Variants in DNAH7 observed in about 807,000 individuals in gnomAD.
The protein encoded by DNAH7 is axonemal beta dynein heavy chain 7.
In DNAH7, 397 loss-of-function variants were observed where a neutral mutation model predicts 444.6. That is an observed-to-expected ratio of 0.89 (90% CI 0.82 to 0.97). DNAH7 has a LOEUF of 0.97. Among genes scored for constraint, DNAH7 ranks in the 50% least tolerant of loss-of-function variants. The pLI is 0.00. For missense variants in DNAH7, 4,902 were observed against 4,800.8 expected (o/e 1.02, Z -0.62); for synonymous variants, 1,636 against 1,624.4 (o/e 1.01, Z -0.17).
At chr2:195,883,048 A>G (rs537344303) in intron 35 of DNAH7, among the ~76,000 whole-genome samples, 1 of 152,344 alleles carries the variant, frequency 6.6e-6, no homozygotes, top group African/African-American at 2.4e-5. Context: ...TGTATTATAA[A>G]GAAATATTTC....
rs777023709 is a variant in DNAH7, at chr2:195,775,913, G to A, written c.11135C>T (p.Ala3712Val). ...CTGATCCTTAGTGATATCTGCATTG[G>A]CATTCATCCCAAAGATTTCTGGTGC... ...TPAPEIFGMN[A>V]NADITKDQSE... Residue 3712 changes from alanine (A) to valine (V), a missense_variant, in exon 60 of 65, where the codon GCC becomes GTC. By Grantham distance (64) the Ala-to-Val change is moderately conservative. Transcript: ENST00000312428. 3 of 1,614,012 alleles carry A rather than the reference G, an allele frequency of 1.9e-6. No individual in the cohort carries two copies. Among genetic ancestry groups the A allele is most frequent in the South Asian group, 2.2e-5 (2 of 91,088 alleles).
rs1221487679 is a variant in DNAH7, at chr2:196,047,369, A to AGTACTTC, written c.374_380dup (p.Leu128LysfsTer5). ...CAACTTACATAATGACATTAACAAG[A>AGTACTTC]GTACTTCTAAAGTTTTCTCGTTCTT... On this transcript the variant is annotated frameshift_variant, in exon 5 of 65. Coordinates refer to ENST00000312428, the MANE Select transcript of DNAH7 (RefSeq NM_018897.3). LOFTEE classifies it high-confidence loss of function. 1.3e-6 allele frequency: 2 copies of AGTACTTC among 1,596,566 alleles called. No homozygotes were observed. The highest frequency in any genetic ancestry group is 2.3e-5 in the South Asian group (2 of 87,350).
At chr2:195,785,998 G>T (rs764723856) in intron 58 of DNAH7, among the ~76,000 whole-genome samples, 23 of 152,026 alleles carry the variant, frequency 1.5e-4, no homozygotes, top group Non-Finnish European at 2.8e-4. Context: ...TGAATATTTT[G>T]TCAAATTTAG....
chr2:195,875,800 T>A lies in DNAH7; in HGVS notation c.6161A>T (p.Tyr2054Phe), dbSNP rs62623377. The A allele has an allele frequency of 6.2e-7, 1 of 1,613,190 alleles. No individual in the cohort carries two copies. Among genetic ancestry groups the A allele is most frequent in the Admixed American group, 1.7e-5 (1 of 59,790 alleles). ...DDVNMPAREVYGAQPPIELLR... is the reference protein window; with the variant it reads ...DDVNMPAREVFGAQPPIELLR... ...TAACTCAATGGGAGGTTGAGCCCCA[T>A]ATACCTCCCGAGCAGGCATATTGAC... The change falls in exon 38 of 65, where the codon TAT becomes TTT. Residue 2054 changes from tyrosine to phenylalanine, a missense_variant. Tyr to Phe is a conservative substitution (Grantham distance 22). Coordinates refer to ENST00000312428, the MANE Select transcript of DNAH7 (RefSeq NM_018897.3).
chr2:195,840,328 A>T (rs1223560714), intron 47 of DNAH7, among the ~76,000 whole-genome samples: 2 of 151,754 alleles, frequency 1.3e-5, no homozygotes, highest in Non-Finnish European at 3.0e-5. Context: ...AAAAACCATC[A>T]GCAAACTAGG....
intron 46 of DNAH7, among the ~76,000 whole-genome samples, chr2:195,848,356 G>A (rs568735955): frequency 6.6e-6 from 1 of 152,304 alleles, no homozygotes; most frequent in South Asian, 2.1e-4. Flanking sequence ...ATGCATCTTT[G>A]GCAGAAATGT....
chr2:195,976,755 G>A (rs13401713), intron 15 of DNAH7, among the ~76,000 whole-genome samples: 13 of 122,438 alleles, frequency 1.1e-4, no homozygotes, highest in African/African-American at 5.1e-4. Flanking sequence ...GACAGAGAGA[G>A]AGAGAGAGAG....
In DNAH7 at chr2:195,787,110, C is replaced by T. The variant is rs749019068; in HGVS notation, c.10778G>A (p.Arg3593Gln). The T allele has an allele frequency of 9.9e-6, 16 of 1,611,884 alleles. No individual in the cohort carries two copies. The highest frequency in any genetic ancestry group is 4.5e-5 in the East Asian group (2 of 44,818). The change falls in exon 58 of 65, where the codon CGG becomes CAG. Residue 3593 changes from arginine (R) to glutamine (Q), a missense_variant. By Grantham distance (43) the Arg-to-Gln change is conservative (BLOSUM62 1). Coordinates refer to ENST00000312428, the MANE Select transcript of DNAH7 (RefSeq NM_018897.3). ...ATTCCACCCTAGGGGTCCAAATTTC[C>T]GTCTTTCTTGTACCAAAGCATGAAA... ...CFFHALVQERRKFGPLGWNIP... is the reference protein window; with the variant it reads ...CFFHALVQERQKFGPLGWNIP...
At chr2:195,852,915 C>CACACAGAGAGAG (rs1553537158) in intron 46 of DNAH7, among the ~76,000 whole-genome samples, 1 of 84,694 alleles carries the variant, frequency 1.2e-5, no homozygotes, top group African/African-American at 3.2e-5. Context: ...CACACACACA[C>CACACAGAGAGAG]AGAGAGAGAG....
At chr2:195,997,379 G>A (rs183966294) in intron 12 of DNAH7, among the ~76,000 whole-genome samples, 1 of 152,224 alleles carries the variant, frequency 6.6e-6, no homozygotes, top group Non-Finnish European at 1.5e-5. Context: ...GGGCATGGTG[G>A]CGCACACCAG....
chr2:195,776,608 T>C (rs1325947448), intron 59 of DNAH7, among the ~76,000 whole-genome samples: 1 of 152,100 alleles, frequency 6.6e-6, no homozygotes, highest in African/African-American at 2.4e-5. Context: ...TGATGATTAT[T>C]CTTATCACAA....
chr2:196,053,038 G>A (rs1022802600), intron 2 of DNAH7, among the ~76,000 whole-genome samples: 1 of 55,016 alleles, frequency 1.8e-5, no homozygotes, highest in African/African-American at 7.9e-5. Context: ...TTCTAGAGGA[G>A]GTACAGTTAT....
intron 33 of DNAH7, 97 bp from the exon 34 acceptor site, chr2:195,886,369 G>A: frequency 8.7e-7 from 1 of 1,144,126 alleles, no homozygotes; most frequent in Non-Finnish European, 1.2e-6. Flanking sequence ...AATTTTAACA[G>A]GTAGTAATAA....
At chr2:196,061,549 C>CCT (rs1698135212) in intron 1 of DNAH7, among the ~76,000 whole-genome samples, 2 of 152,160 alleles carry the variant, frequency 1.3e-5, no homozygotes, top group Admixed American at 1.3e-4. Flanking sequence ...TGGTACCATC[C>CCT]TTGATTCCTC....
At chr2:196,067,973 C>A (rs1698519224) in intron 1 of DNAH7, among the ~76,000 whole-genome samples, 1 of 152,026 alleles carries the variant, frequency 6.6e-6, no homozygotes, top group South Asian at 2.1e-4. Context: ...GACCATTGTT[C>A]TGCCTTTCTG....
chr2:195,919,738 T>G (rs1687911171), intron 24 of DNAH7, among the ~76,000 whole-genome samples: 1 of 152,162 alleles, frequency 6.6e-6, no homozygotes, highest in Non-Finnish European at 1.5e-5. Flanking sequence ...TGTGAAGAAC[T>G]GAGAAAGAAT....
At chr2:195,866,662 A>C (rs527647668) in intron 40 of DNAH7, among the ~76,000 whole-genome samples, 1 of 152,372 alleles carries the variant, frequency 6.6e-6, no homozygotes, top group African/African-American at 2.4e-5. Flanking sequence ...TACTTATTCA[A>C]AATGCAAATT....
intron 5 of DNAH7, among the ~76,000 whole-genome samples, chr2:196,031,577 C>T (rs998287039): frequency 8.5e-5 from 13 of 152,170 alleles, no homozygotes; most frequent in African/African-American, 2.9e-4. Flanking sequence ...TAACAGCACC[C>T]AAGTCACCTC....
intron 10 of DNAH7, among the ~76,000 whole-genome samples, chr2:196,005,932 C>A (rs1033345253): frequency 1.3e-4 from 19 of 150,054 alleles, no homozygotes; most frequent in African/African-American, 4.8e-4. Context: ...CACACACACA[C>A]ACAAAAACTA....
Sources: allele counts gnomAD v4.1 joint callset (sites outside exome capture counted in the v4.1 genomes callset), GRCh38; gene constraint gnomAD v4.1.1; transcripts MANE v1.5; gene names NCBI Gene and HGNC (gene_info 2026-07-23, HGNC 2026-07-21).